POLRMT: variants seen among roughly 807,000 people sequenced by gnomAD.
POLRMT encodes the protein RNA polymerase mitochondrial.
Under a neutral mutation model 132.2 loss-of-function variants are expected in POLRMT, and 114 were observed. The ratio of observed to expected loss-of-function variants is 0.86; its 90% CI spans 0.74 to 1.01. The LOEUF is 1.01. Ranked by LOEUF, POLRMT falls within the 50% of genes least tolerant of loss-of-function variation. The pLI, the probability that POLRMT is intolerant of heterozygous loss-of-function variation, is 0.00. For synonymous variants in POLRMT, 1,020 were observed against 773.4 expected, an observed-to-expected ratio of 1.32 and a Z score of -5.29; for missense variants, 2,003 against 1,729.1, an observed-to-expected ratio of 1.16 and a Z score of -2.81.
Position 617,764 on chromosome 19 carries a change from A to AC in POLRMT, c.3495+12dup. The AC allele has an allele frequency of 1.9e-6, 3 of 1,613,072 alleles. No individual in the cohort carries two copies. Among genetic ancestry groups the AC allele is most frequent in the Non-Finnish European group, 2.5e-6 (3 of 1,179,766 alleles). ...CACCCATGGGTGGACTGAGGCTCAG[A>AC]CTACGGGGGCACCTGGTTCATGACG... On this transcript the variant is annotated intron_variant, in intron 18 of 20. Coordinates refer to ENST00000588649, the MANE Select transcript of POLRMT (RefSeq NM_005035.4).
chr19:620,898 G>T (rs1185710761), intron 10 of POLRMT, among the ~76,000 whole-genome samples, 160 bp downstream of exon 10: 8 of 49,462 alleles, frequency 1.6e-4, no homozygotes, highest in African/African-American at 7.6e-4. Flanking sequence ...CGCCAGGGGA[G>T]GGGGAGGGGA....
At chr19:624,439 C>A (rs1159169564) in intron 5 of POLRMT, among the ~76,000 whole-genome samples, 1 of 152,206 alleles carries the variant, frequency 6.6e-6, no homozygotes, top group Non-Finnish European at 1.5e-5. Flanking sequence ...GAGCCCACTG[C>A]GTGCACCTGG....
chr19:620,732 T>G (rs1600564834), intron 10 of POLRMT, among the ~76,000 whole-genome samples: 5 of 46,250 alleles, frequency 1.1e-4, no homozygotes, highest in South Asian at 7.7e-4. Flanking sequence ...GGGAGGAGGG[T>G]GGACAGAGGA....
At chr19:617,524 G>C (rs745384049) in intron 19 of POLRMT, 44 bp from the exon 20 acceptor site, 1 of 1,605,768 alleles carries the variant, frequency 6.2e-7, no homozygotes, top group Non-Finnish European at 8.5e-7. Flanking sequence ...GCCAGGTTTT[G>C]GGGTGGGGGG....
At chr19:632,048 C>T in intron 2 of POLRMT, among the ~76,000 whole-genome samples, 1 of 149,504 alleles carries the variant, frequency 6.7e-6, no homozygotes, top group Admixed American at 6.7e-5. Flanking sequence ...GCTGGGATTA[C>T]AGGCGTGAGC....
chr19:630,373 C>A (rs1291871403), intron 2 of POLRMT, among the ~76,000 whole-genome samples: 4 of 152,204 alleles, frequency 2.6e-5, no homozygotes, highest in African/African-American at 9.7e-5. Context: ...CGCACCTCCC[C>A]ACCCGAGCCT....
chr19:618,676 C>A, intron 16 of POLRMT, 29 bp downstream of exon 16: 1 of 1,605,436 alleles, frequency 6.2e-7, no homozygotes. Flanking sequence ...AGACCCCCGG[C>A]CAGGCCCCAG....
intron 9 of POLRMT, 52 bp from the exon 10 acceptor site, chr19:621,898 T>C (rs1425492599): frequency 1.5e-5 from 24 of 1,575,516 alleles, no homozygotes; most frequent in Non-Finnish European, 2.0e-5. Flanking sequence ...GGCTTTCCTG[T>C]TCCCACCCCT....
intron 1 of POLRMT, 33 bp from the exon 2 acceptor site, chr19:632,971 C>G (rs941916934): frequency 1.4e-6 from 2 of 1,444,870 alleles, no homozygotes; most frequent in Non-Finnish European, 9.1e-7. Flanking sequence ...TGAGCGGGGC[C>G]GGGCGTGTGG....
At chr19:620,897 AGG>A (rs1984491812) in intron 10 of POLRMT, among the ~76,000 whole-genome samples, 159 bp downstream of exon 10, 1 of 25,946 alleles carries the variant, frequency 3.9e-5, no homozygotes, top group African/African-American at 2.1e-4. Flanking sequence ...GCGCCAGGGG[AGG>A]GGGAGGGGAG....
chr19:620,665 T>C (rs990220285), intron 10 of POLRMT, among the ~76,000 whole-genome samples, 178 bp from the exon 11 acceptor site: 1 of 144,428 alleles, frequency 6.9e-6, no homozygotes, highest in Admixed American at 6.9e-5. Flanking sequence ...TAGCCACGGA[T>C]GGAGGATGGG....
chr19:619,006 G>C lies in POLRMT; in HGVS notation c.3258C>G (p.Ser1086=), dbSNP rs1233417722. The part of the protein sequence containing the change: ...VPVIQPYRLD[S]KVKQIGGGIQ... ...GGGGTGGTACACTGACCTTGACCTT[G>C]GAGTCCAGGCGATAGGGCTGGATGA... Residue 1086 remains serine, a synonymous_variant, in exon 15 of 21, where the codon TCC becomes TCG. Coordinates refer to ENST00000588649, the MANE Select transcript of POLRMT (RefSeq NM_005035.4). The C allele has an allele frequency of 6.3e-7, 1 of 1,584,184 alleles. No homozygotes were observed. Among genetic ancestry groups the C allele is most frequent in the African/African-American group, 1.4e-5 (1 of 73,876 alleles).
rs781567525 is a variant in POLRMT, at chr19:617,227, G to C, written c.*47C>G. The C allele has an allele frequency of 2.5e-6, 4 of 1,601,796 alleles. No individual in the cohort carries two copies. Among genetic ancestry groups the C allele is most frequent in the Non-Finnish European group, 3.4e-6 (4 of 1,171,138 alleles). On this transcript the variant is annotated 3_prime_UTR_variant, in exon 21 of 21. Transcript: ENST00000588649. ...CCTTCCTGAAGACAGTGGCTCCTGG[G>C]GGTGGCAAAAGAGCTTTATTTACAC...
chr19:617,469 A>C lies in POLRMT; in HGVS notation c.3593T>G (p.Ile1198Ser), dbSNP rs1056995178. The C allele has an allele frequency of 2.5e-6, 4 of 1,603,562 alleles. No individual in the cohort carries two copies. The highest frequency in any genetic ancestry group is 1.8e-4 in the Middle Eastern group (1 of 5,502). ...VKRFCSEPQK[I>S]LEASQLKETL... ...CTCCTTCAGCTGGCTGGCCTCCAAG[A>C]TCTTCTGGGGCCTGGGGTTGGAAGC... The change falls in exon 20 of 21, where the codon ATC (isoleucine) becomes AGC (serine). Residue 1198 changes from isoleucine (I) to serine (S), a missense_variant. Ile to Ser is a moderately radical substitution (Grantham distance 142). Coordinates refer to ENST00000588649, the MANE Select transcript of POLRMT (RefSeq NM_005035.4).
chr19:629,894 C>T lies in POLRMT; in HGVS notation c.468G>A (p.Leu156=), dbSNP rs542126730. The part of the protein sequence containing the change: ...MPFQSGEFKA[L]TRRLQVEPRL... ...GGGGCTCCACCTGCAGGCGCCTGGT[C>T]AGCGCCTTGAACTCCCCGCTCTGGA... The change falls in exon 3 of 21, where the codon CTG becomes CTA. Residue 156 remains leucine (L), a synonymous_variant. Coordinates refer to ENST00000588649, the MANE Select transcript of POLRMT (RefSeq NM_005035.4). 6.2e-7 allele frequency: 1 copy of T among 1,612,862 alleles called. No homozygotes were observed. The highest frequency in any genetic ancestry group is 1.1e-5 in the South Asian group (1 of 91,016).
At chr19:625,570 CTGTTT>C in intron 3 of POLRMT, 1 of 276,850 alleles carries the variant, frequency 3.6e-6, no homozygotes, top group Non-Finnish European at 6.7e-6. Flanking sequence ...CTGTTCTCTG[CTGTTT>C]CTGCCTTCCA....
chr19:632,388 T>C (rs933689954), intron 2 of POLRMT, among the ~76,000 whole-genome samples: 4 of 152,212 alleles, frequency 2.6e-5, no homozygotes, highest in African/African-American at 9.6e-5. Context: ...GACGAGGGCC[T>C]GCCACCGCTG....
chr19:623,596 C>T lies in POLRMT; in HGVS notation c.1148G>A (p.Arg383His). The change falls in exon 6 of 21, where the codon CGT becomes CAT. Residue 383 changes from arginine to histidine, a missense_variant. By Grantham distance (29) the Arg-to-His change is conservative. Transcript: ENST00000588649. ...CAGGTGCAGCTTCGGGTAGGACACA[C>T]GCCCATCCTGCAGGGATGGGGGTAG... is the stretch of plus-strand genomic sequence containing the variant. ...LLRDVYAKDG[R>H]VSYPKLHLPL... 2 of 1,613,596 alleles carry T rather than the reference C, an allele frequency of 1.2e-6. No homozygotes were observed. The highest frequency in any genetic ancestry group is 2.2e-5 in the East Asian group (1 of 44,880).
intron 3 of POLRMT, among the ~76,000 whole-genome samples, chr19:627,049 A>G (rs1295202701): frequency 6.6e-6 from 1 of 151,960 alleles, no homozygotes; most frequent in Non-Finnish European, 1.5e-5. Context: ...AAGGGAAAAA[A>G]ATTCCCTTAC....
Sources: gnomAD v4.1 joint callset for allele counts (sites outside exome capture counted in the v4.1 genomes callset) on GRCh38, gnomAD v4.1.1 for gene constraint, MANE v1.5 for transcripts, NCBI Gene and HGNC (gene_info 2026-07-23, HGNC 2026-07-21) for gene names.